The following PCDHA2 variants were observed in gnomAD, a reference collection of about 807,000 sequenced individuals.
PCDHA2 encodes the protein protocadherin alpha-2.
In PCDHA2, 58 loss-of-function variants were observed where a neutral mutation model predicts 66.0. The ratio of observed to expected loss-of-function variants is 0.88; its 90% CI spans 0.71 to 1.09. The LOEUF is 1.09. Among genes scored for constraint, PCDHA2 ranks in the 50% least tolerant of loss-of-function variants. The pLI is 0.00. For missense variants in PCDHA2, 1,267 were observed against 1,242.3 expected (o/e 1.02, Z -0.30); for synonymous variants, 634 against 554.0 (o/e 1.14, Z -2.03).
chr5:140,834,170 A>T (rs1010045259), intron 1 of PCDHA2: 13 of 553,312 alleles, frequency 2.3e-5, no homozygotes, highest in Admixed American at 1.0e-4. Flanking sequence ...TCTTACTTAC[A>T]TGATGGCCAC....
rs1379948594 is a variant in PCDHA2, at chr5:140,982,575, G to A, written c.2536+12G>A. ...CAGTGCAACACCAGGTAAAGAGCTGGGGTCTCTCCATTCTTTCTTGGTTTC... is the reference window on the plus strand; with the variant it reads ...CAGTGCAACACCAGGTAAAGAGCTGAGGTCTCTCCATTCTTTCTTGGTTTC... On this transcript the variant is annotated intron_variant, in intron 3 of 3. Coordinates refer to ENST00000526136, the MANE Select transcript of PCDHA2 (RefSeq NM_018905.3). The A allele has an allele frequency of 6.2e-7, 1 of 1,613,444 alleles. No homozygotes were observed. The highest frequency in any genetic ancestry group is 8.5e-7 in the Non-Finnish European group (1 of 1,179,518).
chr5:140,878,662 C>T (rs1479409326), intron 1 of PCDHA2, among the ~76,000 whole-genome samples: 1 of 152,194 alleles, frequency 6.6e-6, no homozygotes, highest in African/African-American at 2.4e-5. Flanking sequence ...CCAGAGGCTT[C>T]TCTTTAACCA....
intron 1 of PCDHA2, chr5:140,854,159 C>A (rs1172794260): frequency 2.5e-3 from 847 of 341,142 alleles, no homozygotes; most frequent in Admixed American, 7.6e-3. Context: ...GATTCTGTCT[C>A]AAAAAAAAAA....
intron 1 of PCDHA2, among the ~76,000 whole-genome samples, chr5:140,826,390 C>A (rs191018508): frequency 6.6e-6 from 1 of 152,208 alleles, no homozygotes; most frequent in Admixed American, 6.5e-5. Flanking sequence ...ATAAGAACTA[C>A]TAAATAGATC....
chr5:140,836,793 T>C, intron 1 of PCDHA2: 8 of 1,403,902 alleles, frequency 5.7e-6, no homozygotes, highest in Non-Finnish European at 7.8e-6. Flanking sequence ...GTTCAATTGG[T>C]CTCCTTAAAT....
At chr5:140,960,515 A>G (rs1445432467) in intron 1 of PCDHA2, among the ~76,000 whole-genome samples, 1 of 152,182 alleles carries the variant, frequency 6.6e-6, no homozygotes, top group Non-Finnish European at 1.5e-5. Flanking sequence ...AGCAAACATA[A>G]TGGGTATAGG....
chr5:140,857,908 G>A (rs782073504), intron 1 of PCDHA2: 2 of 1,597,838 alleles, frequency 1.3e-6, no homozygotes, highest in Non-Finnish European at 1.7e-6. Flanking sequence ...CACGCATCCC[G>A]TTTCGCGTGG....
chr5:140,988,871 A>T (rs1319139244), intron 3 of PCDHA2: 1 of 152,208 alleles, frequency 6.6e-6, no homozygotes, highest in Non-Finnish European at 1.5e-5. Context: ...GTGCACTCAG[A>T]TGTACGATCC....
intron 1 of PCDHA2, among the ~76,000 whole-genome samples, chr5:140,806,350 T>C (rs1733332281): frequency 1.3e-5 from 2 of 152,204 alleles, no homozygotes; most frequent in African/African-American, 4.8e-5. Flanking sequence ...CAAGTACTTA[T>C]AAACTGTAAG....
intron 1 of PCDHA2, chr5:140,836,708 C>G: frequency 6.2e-7 from 1 of 1,613,192 alleles, no homozygotes; most frequent in Non-Finnish European, 8.5e-7. Flanking sequence ...TCAGTCCCAG[C>G]CTTCCTCAGG....
intron 1 of PCDHA2, among the ~76,000 whole-genome samples, chr5:140,960,014 A>G (rs1380089859): frequency 6.6e-6 from 1 of 152,222 alleles, no homozygotes; most frequent in Non-Finnish European, 1.5e-5. Flanking sequence ...ATTTTGCATC[A>G]TGATTTTGTT....
chr5:140,881,459 A>G (rs1172310253), intron 1 of PCDHA2: 2 of 672,234 alleles, frequency 3.0e-6, no homozygotes, highest in Non-Finnish European at 3.7e-6. Flanking sequence ...AAAACCTTAG[A>G]GCATTGTTGT....
intron 1 of PCDHA2, chr5:140,830,304 C>T (rs2150184699): frequency 6.3e-5 from 101 of 1,613,824 alleles, no homozygotes; most frequent in Non-Finnish European, 8.1e-5. Context: ...GACAAGCCCA[C>T]GCTGGTGTGC....
chr5:140,840,523 A>G (rs1554137815), intron 1 of PCDHA2, among the ~76,000 whole-genome samples: 3 of 152,058 alleles, frequency 2.0e-5, no homozygotes, highest in African/African-American at 7.3e-5. Flanking sequence ...CAGAAGAAAG[A>G]TGAAGAACTA....
Position 140,863,430 on chromosome 5 carries a change from A to G in PCDHA2, c.2388+66078A>G, listed in dbSNP as rs782084592. ...CGCTGGTGTACCGCAGCGTAGTGGG[A>G]TCTGGTCTTACTCGCAGCAAAGGAG... On this transcript the variant is annotated intron_variant, in intron 1 of 3. Coordinates refer to ENST00000526136, the MANE Select transcript of PCDHA2 (RefSeq NM_018905.3). The G allele has an allele frequency of 4.5e-5, 29 of 647,180 alleles. 1 individual carries two copies. In the Admixed American group the frequency reaches 5.6e-4, roughly 13 times the overall value. The allele number at this position is 647,180 out of a possible 1,614,324, so 40.1% of individuals were successfully genotyped here. A position where few individuals can be genotyped will look rare whatever the true frequency, so the allele number is the denominator to read the frequency against.
chr5:140,842,566 C>G (rs782225990), intron 1 of PCDHA2: 19 of 1,503,446 alleles, frequency 1.3e-5, no homozygotes, highest in Non-Finnish European at 1.4e-5. Context: ...CCCTGGACCG[C>G]GAGAGAGTGT....
chr5:140,999,814 G>A (rs143341016), intron 3 of PCDHA2, among the ~76,000 whole-genome samples: 1 of 152,286 alleles, frequency 6.6e-6, no homozygotes, highest in African/African-American at 2.4e-5. Context: ...CAAAGCAAGA[G>A]CTGTGGCTTT....
In PCDHA2 at chr5:140,841,042, G is replaced by A. The variant is rs1776988027; in HGVS notation, c.2388+43690G>A. 7.4e-6 allele frequency: 3 copies of A among 406,126 alleles called. No individual in the cohort carries two copies. The South Asian group carries it at 1.3e-4, about 18-fold the overall frequency. 25.2% of individuals were successfully genotyped at this position (406,126 alleles called of 1,614,324 possible). On this transcript the variant is annotated intron_variant, in intron 1 of 3. Transcript: ENST00000526136. ...ATGCCTCTGCAATTGATAAAGTTAA[G>A]GATTTACTATTAAATTATGATAAAG...
chr5:140,848,337 CAA>C, intron 1 of PCDHA2: 2 of 873,308 alleles, frequency 2.3e-6, no homozygotes, highest in Non-Finnish European at 3.6e-6. Flanking sequence ...TGAATCCAGA[CAA>C]ATACAGCCCT....
Sources: allele counts gnomAD v4.1 joint callset (sites outside exome capture counted in the v4.1 genomes callset), GRCh38; gene constraint gnomAD v4.1.1; transcripts MANE v1.5; gene names NCBI Gene and HGNC (gene_info 2026-07-23, HGNC 2026-07-21).